NPHP4: variants seen among roughly 807,000 people sequenced by gnomAD.
NPHP4 encodes nephrocystin-4.
Under a neutral mutation model 155.8 loss-of-function variants are expected in NPHP4, and 151 were observed. The observed-to-expected ratio is 0.97, with a 90% CI of 0.85 to 1.11. The LOEUF (loss-of-function observed/expected upper bound fraction) is 1.11. NPHP4 is among the 50% of genes least tolerant of loss of function. The pLI is 0.00. For synonymous variants in NPHP4, 845 were observed against 816.8 expected (o/e 1.03, Z -0.59); for missense variants, 1,956 against 1,925.7 (o/e 1.02, Z -0.29).
chr1:5,947,338 AG>A, intron 8 of NPHP4, 108 bp from the exon 9 acceptor site: 5 of 1,204,730 alleles, frequency 4.2e-6, no homozygotes, highest in East Asian at 2.4e-5. Flanking sequence ...TGGGGGACAC[AG>A]GGGTGCTGCT....
At chr1:5,949,186 C>T (rs1647400763) in intron 7 of NPHP4, among the ~76,000 whole-genome samples, 1 of 152,086 alleles carries the variant, frequency 6.6e-6, no homozygotes, top group Non-Finnish European at 1.5e-5. Flanking sequence ...ACACAATCCG[C>T]CCTGACAAAC....
chr1:5,978,926 C>A (rs1654178766), intron 2 of NPHP4, among the ~76,000 whole-genome samples: 1 of 152,188 alleles, frequency 6.6e-6, no homozygotes, highest in Admixed American at 6.5e-5. Context: ...GAAACTAAAT[C>A]CTCAACTTCC....
intron 19 of NPHP4, among the ~76,000 whole-genome samples, chr1:5,878,111 C>T (rs1158028733): frequency 6.6e-6 from 1 of 152,196 alleles, no homozygotes; most frequent in Non-Finnish European, 1.5e-5. Flanking sequence ...CAGCTTAGGG[C>T]CTGGGTCCTT....
chr1:5,975,180 A>T (rs1460552732), intron 3 of NPHP4, among the ~76,000 whole-genome samples: 1 of 152,222 alleles, frequency 6.6e-6, no homozygotes, highest in East Asian at 1.9e-4. Context: ...GAGCACATAC[A>T]TGTGTACATG....
chr1:5,914,257 CAAAAAA>C (rs575438284), intron 11 of NPHP4, among the ~76,000 whole-genome samples: 10 of 47,394 alleles, frequency 2.1e-4, no homozygotes, highest in Admixed American at 7.0e-4. Context: ...CTTATCTATA[CAAAAAA>C]AAAAAAAAAA....
intron 6 of NPHP4, among the ~76,000 whole-genome samples, chr1:5,955,214 C>A (rs1570621613): frequency 6.6e-6 from 1 of 152,048 alleles, no homozygotes; most frequent in East Asian, 1.9e-4. Flanking sequence ...TGGCCACCAT[C>A]AAAAAGATAA....
chr1:5,974,821 C>T (rs1453029043), intron 3 of NPHP4, among the ~76,000 whole-genome samples: 1 of 152,174 alleles, frequency 6.6e-6, no homozygotes, highest in African/African-American at 2.4e-5. Flanking sequence ...GGGCACTCCA[C>T]AAAACCTGAG....
At chr1:5,875,771 C>T (rs966721812) in intron 20 of NPHP4, among the ~76,000 whole-genome samples, 1 of 152,232 alleles carries the variant, frequency 6.6e-6, no homozygotes, top group African/African-American at 2.4e-5. Flanking sequence ...ACCCCCATGC[C>T]GGGGAGTCAG....
chr1:5,934,951 C>T (rs6665946), intron 9 of NPHP4, among the ~76,000 whole-genome samples: 2,310 of 152,292 alleles, frequency 0.015, 60 homozygotes, highest in African/African-American at 0.053. Context: ...ACAGCCACAC[C>T]AGTGTCACTG....
chr1:5,867,008 C>G lies in NPHP4; in HGVS notation c.3558+22G>C, dbSNP rs771725201. The G allele has an allele frequency of 4.4e-6, 7 of 1,600,392 alleles. No individual in the cohort carries two copies. In the East Asian group the frequency reaches 1.6e-4, roughly 36 times the overall value. On this transcript the variant is annotated intron_variant, in intron 25 of 29. Transcript: ENST00000378156. This position sits in a 1 kb window ranked among gnomAD's most constrained non-coding sequence, Gnocchi z 4.1. ...ACTCACTGGGAAGGATCTGCCTGAGCTGGGGCCACAACACAACCTACCACA... is the reference window on the plus strand; with the variant it reads ...ACTCACTGGGAAGGATCTGCCTGAGGTGGGGCCACAACACAACCTACCACA...
intron 19 of NPHP4, 99 bp from the exon 20 acceptor site, chr1:5,877,397 G>A: frequency 1.1e-6 from 1 of 940,750 alleles, no homozygotes. Context: ...ATATAGGGAG[G>A]GAGCTCAAGA....
In NPHP4 at chr1:5,877,287, C is replaced by A; in HGVS notation, c.2623G>T (p.Val875Leu). Reference protein sequence around the residue: ...TTGSSRRKHVVQAQKLADVDS... With the variant: ...TTGSSRRKHVLQAQKLADVDS... ...ACGTCCGCCAGCTTCTGTGCTTGCA[C>A]CACGTGTTTTCCTGCGAAAGGGTCA... is the stretch of plus-strand genomic sequence containing the variant. The change falls in exon 20 of 30, where the codon GTG becomes TTG. Residue 875 changes from valine to leucine, a missense_variant. Coordinates refer to ENST00000378156, the MANE Select transcript of NPHP4 (RefSeq NM_015102.5). The A allele has an allele frequency of 6.3e-7, 1 of 1,595,036 alleles. No homozygotes were observed. Among genetic ancestry groups the A allele is most frequent in the South Asian group, 1.1e-5 (1 of 89,682 alleles).
intron 21 of NPHP4, 22 bp from the exon 22 acceptor site, chr1:5,874,679 C>T (rs775669619): frequency 3.6e-5 from 58 of 1,607,984 alleles, no homozygotes; most frequent in South Asian, 1.0e-4. Flanking sequence ...AGTGTCCAGG[C>T]GTCAGGGCAG....
At chr1:5,957,410 T>C (rs1020829007) in intron 6 of NPHP4, among the ~76,000 whole-genome samples, 2 of 152,212 alleles carry the variant, frequency 1.3e-5, no homozygotes, top group Admixed American at 6.5e-5. Context: ...ACACAGCTCT[T>C]CTGCTAGGGA....
rs765750922 is a variant in NPHP4, at chr1:5,905,262, A to G, written c.1955+30T>C. 3.8e-6 allele frequency: 6 copies of G among 1,560,442 alleles called. No homozygotes were observed. Among genetic ancestry groups the G allele is most frequent in the Non-Finnish European group, 5.3e-6 (6 of 1,131,152 alleles). On this transcript the variant is annotated intron_variant, in intron 15 of 29. Coordinates refer to ENST00000378156, the MANE Select transcript of NPHP4 (RefSeq NM_015102.5). The surrounding 1 kb of genome is among the most constrained non-coding windows in gnomAD (Gnocchi z 4.0). ...CTTCAACACAGGAAATGTGAAAGCC[A>G]GATGAGTAACAGAATATTCAAGGAT...
chr1:5,879,400 C>T (rs1642972972), intron 19 of NPHP4: 1 of 398,902 alleles, frequency 2.5e-6, no homozygotes, highest in African/African-American at 2.1e-5. Flanking sequence ...CACATTTTCA[C>T]CAAACCCAGG....
chr1:5,867,594 C>G lies in NPHP4; in HGVS notation c.3472+146G>C. The stretch of plus-strand genomic sequence containing the variant: ...GGGACACCGTTTCAAACCATAAAGG[C>G]AGGAGAGAGAATTCCCCAGGCCCCA... On this transcript the variant is annotated intron_variant, in intron 24 of 29. Coordinates refer to ENST00000378156, the MANE Select transcript of NPHP4 (RefSeq NM_015102.5). This position sits in a 1 kb window ranked among gnomAD's most constrained non-coding sequence, Gnocchi z 4.1. The G allele has an allele frequency of 1.3e-6, 1 of 792,078 alleles. No individual in the cohort carries two copies. The highest frequency in any genetic ancestry group is 2.0e-6 in the Non-Finnish European group (1 of 504,630). The allele number at this position is 792,078 out of a possible 1,614,324, so 49.1% of individuals were successfully genotyped here.
intron 7 of NPHP4, 87 bp downstream of exon 7, chr1:5,952,595 CCCTGCCCCACCCACCCCT>C (rs1648344698): frequency 7.3e-6 from 1 of 136,542 alleles, no homozygotes; most frequent in Non-Finnish European, 1.6e-5. Context: ...CCCACCCCTA[CCCTGCCCCACCCACCCCT>C]ACCCTGCCCC....
At chr1:5,919,559 G>A (rs1645633938) in intron 11 of NPHP4, among the ~76,000 whole-genome samples, 2 of 152,146 alleles carry the variant, frequency 1.3e-5, no homozygotes, top group Non-Finnish European at 2.9e-5. Flanking sequence ...ATGGAGAGTG[G>A]GTAGGAGAAA....
Sources: gnomAD v4.1 joint callset for allele counts (sites outside exome capture counted in the v4.1 genomes callset) on GRCh38, gnomAD v4.1.1 for gene constraint, Gnocchi (gnomAD v3.1) non-coding constraint, MANE v1.5 for transcripts, NCBI Gene and HGNC (gene_info 2026-07-23, HGNC 2026-07-21) for gene names.